The following TNNI3K variants were observed in gnomAD, a reference collection of about 807,000 sequenced individuals.
TNNI3K encodes serine/threonine-protein kinase TNNI3K.
TNNI3K carries 140 observed loss-of-function variants against 114.5 expected under a neutral mutation model. That is an observed-to-expected ratio of 1.22 (90% CI 1.07 to 1.41). The LOEUF (loss-of-function observed/expected upper bound fraction) is 1.41. Ranked by LOEUF, TNNI3K falls within the 40% of genes most tolerant of loss-of-function variation. TNNI3K has a pLI of 0.00. For synonymous variants in TNNI3K, 347 were observed against 347.5 expected (o/e 1.00, Z 0.02); for missense variants, 1,125 against 1,007.6 (o/e 1.12, Z -1.58).
intron 9 of TNNI3K, among the ~76,000 whole-genome samples, chr1:74,348,721 G>T (rs1356891457): frequency 6.6e-6 from 1 of 152,106 alleles, no homozygotes; most frequent in African/African-American, 2.4e-5. Flanking sequence ...CACATCCCTT[G>T]TAAGTTGGAT....
chr1:74,451,392 G>A (rs1426272643), intron 20 of TNNI3K, among the ~76,000 whole-genome samples: 11 of 151,862 alleles, frequency 7.2e-5, no homozygotes, highest in Non-Finnish European at 8.8e-5. Context: ...CATGTTTCCC[G>A]AGAACTTAAT....
chr1:74,285,145 G>T (rs1332964357), intron 5 of TNNI3K, among the ~76,000 whole-genome samples: 4 of 152,068 alleles, frequency 2.6e-5, no homozygotes, highest in Non-Finnish European at 5.9e-5. Flanking sequence ...GACTTATAAG[G>T]CCCGTGTCCA....
At chr1:74,435,048 A>T (rs1042064116) in intron 17 of TNNI3K, among the ~76,000 whole-genome samples, 1 of 152,066 alleles carries the variant, frequency 6.6e-6, no homozygotes, top group African/African-American at 2.4e-5. Flanking sequence ...AATATAGCCC[A>T]TATGCACTAA....
At chr1:74,400,322 C>A (rs905381291) in intron 17 of TNNI3K, among the ~76,000 whole-genome samples, 12 of 152,150 alleles carry the variant, frequency 7.9e-5, no homozygotes, top group Non-Finnish European at 1.6e-4. Context: ...CATACAATGA[C>A]CCTAAGAGAG....
intron 17 of TNNI3K, among the ~76,000 whole-genome samples, chr1:74,393,891 C>T (rs1240322696): frequency 2.6e-5 from 4 of 152,184 alleles, no homozygotes; most frequent in Admixed American, 2.0e-4. Flanking sequence ...CTATGAGAAT[C>T]TAATGACCCT....
In TNNI3K at chr1:74,369,525, C is replaced by T; in HGVS notation, c.1607C>T (p.Ala536Val). 6.2e-7 allele frequency: 1 copy of T among 1,612,690 alleles called. No homozygotes were observed. Among genetic ancestry groups the T allele is most frequent in the Non-Finnish European group, 8.5e-7 (1 of 1,179,124 alleles). ...TGCTTGAATGATCCCAGCCAGTTTG[C>T]CATTGTCACTCAATACATATCAGGG... ...GACLNDPSQF[A>V]IVTQYISGGS... Residue 536 changes from alanine to valine, a missense_variant, in exon 16 of 25, where the codon GCC (alanine) becomes GTC (valine). Transcript: ENST00000326637.
chr1:74,403,894 A>G (rs778849043), intron 17 of TNNI3K, among the ~76,000 whole-genome samples: 2 of 152,150 alleles, frequency 1.3e-5, no homozygotes, highest in Non-Finnish European at 1.5e-5. Flanking sequence ...TTTACTTCTT[A>G]TGCTTCATTT....
chr1:74,274,525 C>A (rs1369627796), intron 5 of TNNI3K, among the ~76,000 whole-genome samples: 1 of 151,900 alleles, frequency 6.6e-6, no homozygotes, highest in Non-Finnish European at 1.5e-5. Context: ...AGGAATGATA[C>A]AACAAAATAA....
chr1:74,489,995 A>T (rs940268534), intron 22 of TNNI3K, among the ~76,000 whole-genome samples: 1 of 145,780 alleles, frequency 6.9e-6, no homozygotes, highest in African/African-American at 2.5e-5. Flanking sequence ...TCAACCTGAG[A>T]TTGCACCACT....
intron 21 of TNNI3K, chr1:74,472,065 A>T (rs3765674): frequency 1.4e-6 from 1 of 715,834 alleles, no homozygotes; most frequent in Admixed American, 2.0e-5. Context: ...GTCTTTGCCT[A>T]TGAGGGTGTA....
chr1:74,291,553 C>T (rs1437544117), intron 5 of TNNI3K, among the ~76,000 whole-genome samples: 3 of 151,482 alleles, frequency 2.0e-5, no homozygotes, highest in South Asian at 2.1e-4. Flanking sequence ...GGTTAAATAA[C>T]TTAATGTAGG....
At chr1:74,385,063 C>G (rs1037205599) in intron 17 of TNNI3K, among the ~76,000 whole-genome samples, 1 of 152,084 alleles carries the variant, frequency 6.6e-6, no homozygotes, top group African/African-American at 2.4e-5. Flanking sequence ...AGAATTATCT[C>G]AATTATGGGT....
chr1:74,269,111 T>C (rs942507992), intron 4 of TNNI3K, among the ~76,000 whole-genome samples: 1 of 151,904 alleles, frequency 6.6e-6, no homozygotes, highest in Admixed American at 6.6e-5. Context: ...TGTGACTTTT[T>C]GCCATCTACC....
At chr1:74,463,671 T>G in intron 21 of TNNI3K, 121 bp downstream of exon 21, 1 of 1,073,738 alleles carries the variant, frequency 9.3e-7, no homozygotes, top group Non-Finnish European at 1.4e-6. Context: ...AAGACTGATT[T>G]GCCTTCTGCT....
intron 11 of TNNI3K, among the ~76,000 whole-genome samples, chr1:74,356,589 T>C (rs1661669867): frequency 6.6e-6 from 1 of 152,206 alleles, no homozygotes; most frequent in Non-Finnish European, 1.5e-5. Context: ...TACAAAGCAT[T>C]AGTCTTCCGG....
At chr1:74,530,485 T>C (rs1646567334) in intron 23 of TNNI3K, among the ~76,000 whole-genome samples, 1 of 152,148 alleles carries the variant, frequency 6.6e-6, no homozygotes, top group Admixed American at 6.6e-5. Context: ...GCTTAGCAGG[T>C]ATGAAACAAT....
At chr1:74,468,924 G>C (rs980645217) in intron 21 of TNNI3K, 1 of 152,014 alleles carries the variant, frequency 6.6e-6, no homozygotes, top group Non-Finnish European at 1.5e-5. Flanking sequence ...CTTTGAATGA[G>C]ACATGTTTGT....
intron 23 of TNNI3K, among the ~76,000 whole-genome samples, chr1:74,502,553 C>T (rs933065742): frequency 2.6e-5 from 4 of 152,192 alleles, no homozygotes; most frequent in African/African-American, 9.7e-5. Flanking sequence ...TTTGCCAACA[C>T]CAGAACGTTA....
At position 74,464,351 on chromosome 1, in the gene TNNI3K, G is replaced by A. The variant is rs142202258; in HGVS notation, c.2121+801G>A. On this transcript the variant is annotated intron_variant, in intron 21 of 24. Transcript: ENST00000326637. Reference sequence around the variant, plus strand: ...AAATCCTTGTGTTTTGATATCAATCGATTCCATTGCTCAGAGTGGAGAGTA... The same window carrying A: ...AAATCCTTGTGTTTTGATATCAATCAATTCCATTGCTCAGAGTGGAGAGTA... Among the ~76,000 whole-genome samples the A allele has an allele frequency of 3.2e-4, 49 of 152,232 alleles. No individual in the cohort carries two copies. The East Asian group carries it at 9.1e-3, about 28-fold the overall frequency.
Sources: allele counts gnomAD v4.1 joint callset (sites outside exome capture counted in the v4.1 genomes callset), GRCh38; gene constraint gnomAD v4.1.1; transcripts MANE v1.5; gene names NCBI Gene and HGNC (gene_info 2026-07-23, HGNC 2026-07-21).